The following RET variants were observed in gnomAD, a reference collection of about 807,000 sequenced individuals.
RET encodes proto-oncogene tyrosine-protein kinase receptor Ret.
RET carries 19 observed loss-of-function variants against 118.3 expected under a neutral mutation model. The ratio of observed to expected loss-of-function variants is 0.16; its 90% CI spans 0.11 to 0.24. The LOEUF (loss-of-function observed/expected upper bound fraction) is 0.24. RET is among the 10% of genes least tolerant of loss of function. The pLI is 1.00. For missense variants in RET, 1,219 were observed against 1,502.1 expected, an observed-to-expected ratio of 0.81 and a Z score of 3.12; for synonymous variants, 597 against 644.1, an observed-to-expected ratio of 0.93 and a Z score of 1.11.
chr10:43,077,128 C>T lies in RET; in HGVS notation c.-131C>T, dbSNP rs1837059498. The T allele has an allele frequency of 4.0e-6, 5 of 1,245,408 alleles. No individual in the cohort carries two copies. The highest frequency in any genetic ancestry group is 1.6e-5 in the African/African-American group (1 of 63,276). 77.1% of individuals were successfully genotyped at this position (1,245,408 alleles called of 1,614,324 possible). A position where few individuals can be genotyped will look rare whatever the true frequency, so the allele number is the denominator to read the frequency against. On this transcript the variant is annotated 5_prime_UTR_variant, in exon 1 of 20. Transcript: ENST00000355710. ...TGAGTGCCCCGGAACGTGCGTCGCG[C>T]CCCCAGTGTCCGTCGCGTCCGCCGC...
Position 43,129,021 on chromosome 10 carries a change from G to GATCTACA in RET, c.*752_*753insATCTACA. On this transcript the variant is annotated 3_prime_UTR_variant, in exon 20 of 20. Coordinates refer to ENST00000355710, the MANE Select transcript of RET (RefSeq NM_020975.6). Reference sequence around the variant, plus strand: ...CTCACAAGACACATTTGTCCCCCGGGCCCACCACATCATCCTCACGTGTTC... The same window carrying GATCTACA: ...CTCACAAGACACATTTGTCCCCCGGGATCTACACCCACCACATCATCCTCACGTGTTC... 4.2e-6 allele frequency: 1 copy of GATCTACA among 235,726 alleles called. No individual in the cohort carries two copies. The allele number at this position is 235,726 out of a possible 1,614,324, so 14.6% of individuals were successfully genotyped here. A position where few individuals can be genotyped will look rare whatever the true frequency, so the allele number is the denominator to read the frequency against.
rs1381188750 is a variant in RET, at chr10:43,112,712, C to G, written c.1649-141C>G. 1.1e-5 allele frequency: 8 copies of G among 720,388 alleles called. No individual in the cohort carries two copies. The African/African-American group carries it at 1.4e-4, about 13-fold the overall frequency. The allele number at this position is 720,388 out of a possible 1,614,324, so 44.6% of individuals were successfully genotyped here. On this transcript the variant is annotated intron_variant, in intron 8 of 19. Transcript: ENST00000355710. ...GCCATGGCTCCCCAGGATGCTTCCG[C>G]TGGCAAGGCTCTGTATATGGTGTTT... is the stretch of plus-strand genomic sequence containing the variant.
At chr10:43,122,754 C>T (rs996389198) in intron 16 of RET, among the ~76,000 whole-genome samples, 1 of 152,126 alleles carries the variant, frequency 6.6e-6, no homozygotes, top group East Asian at 1.9e-4. Flanking sequence ...ATTACAGGCA[C>T]GTGCTACTTC....
At chr10:43,092,163 G>GA (rs944842351) in intron 1 of RET, among the ~76,000 whole-genome samples, 2 of 152,048 alleles carry the variant, frequency 1.3e-5, no homozygotes, top group Admixed American at 6.6e-5. Context: ...CTTTAAAAAG[G>GA]AAAAAAAATT....
intron 1 of RET, among the ~76,000 whole-genome samples, chr10:43,099,709 A>G (rs969271366): frequency 6.6e-6 from 1 of 151,222 alleles, no homozygotes; most frequent in African/African-American, 2.4e-5. Context: ...CCTCCCCCAC[A>G]CCCCCGCCTG....
In RET at chr10:43,129,785, C is replaced by T. The variant is rs886985086; in HGVS notation, c.*1516C>T. On this transcript the variant is annotated 3_prime_UTR_variant, in exon 20 of 20. Transcript: ENST00000355710. ...GTGTAATAGAGCCTTGTGGTGTGTG[C>T]GCACACACCCAGAGGGAGAGTTTGA... 85 of 378,132 alleles carry T rather than the reference C, an allele frequency of 2.2e-4. No individual in the cohort carries two copies. The highest frequency in any genetic ancestry group is 6.8e-4 in the Admixed American group (15 of 22,146). 23.4% of individuals were successfully genotyped at this position (378,132 alleles called of 1,614,324 possible). A position where few individuals can be genotyped will look rare whatever the true frequency, so the allele number is the denominator to read the frequency against.
chr10:43,121,905 G>A (rs768231504), intron 15 of RET, 41 bp from the exon 16 acceptor site: 1 of 1,495,320 alleles, frequency 6.7e-7, no homozygotes, highest in Admixed American at 1.7e-5. Flanking sequence ...TTCCTAGAGA[G>A]TTAGAGTAAC....
chr10:43,124,939 C>T lies in RET; in HGVS notation c.2996C>T (p.Ala999Val), dbSNP rs748288493. 25 of 1,614,060 alleles carry T rather than the reference C, an allele frequency of 1.5e-5. No individual in the cohort carries two copies. Among genetic ancestry groups the T allele is most frequent in the African/African-American group, 6.7e-5 (5 of 74,912 alleles). ...GAGCCGGACAAAAGGCCGGTGTTTG[C>T]GGACATCAGCAAAGACCTGGAGAAG... ...KQEPDKRPVF[A>V]DISKDLEKMM... Residue 999 changes from alanine (A) to valine (V), a missense_variant, in exon 18 of 20, where the codon GCG (alanine) becomes GTG (valine). Around this residue, in one of 5 missense-constraint regions of RET, gnomAD observed 174 missense variants for 179.3 expected, o/e 0.97. Transcript: ENST00000355710.
intron 1 of RET, among the ~76,000 whole-genome samples, chr10:43,087,834 T>C (rs1837322047): frequency 6.6e-6 from 1 of 152,096 alleles, no homozygotes; most frequent in East Asian, 1.9e-4. Context: ...CTGCTTTCAT[T>C]TGGAAGTCTC....
rs1060504031 is a variant in RET at position 43,113,644 on chromosome 10, G to C, written c.1848G>C (p.Glu616Asp). The C allele has an allele frequency of 6.2e-7, 1 of 1,613,366 alleles. No individual in the cohort carries two copies. The highest frequency in any genetic ancestry group is 8.5e-7 in the Non-Finnish European group (1 of 1,179,898). ...CCTGCAACTGCTTCCCTGAGGAGGA[G>C]AAGTGCTTCTGCGAGCCCGAAGACA... is the stretch of plus-strand genomic sequence containing the variant. Reference protein sequence around the residue: ...YGTCNCFPEEEKCFCEPEDIQ... With the variant: ...YGTCNCFPEEDKCFCEPEDIQ... The change falls in exon 10 of 20, where the codon GAG (glutamate) becomes GAC (aspartate). Residue 616 changes from glutamate to aspartate, a missense_variant. By Grantham distance (45) the Glu-to-Asp change is conservative. Coordinates refer to ENST00000355710, the MANE Select transcript of RET (RefSeq NM_020975.6).
rs2132857441 is a variant in RET, at chr10:43,114,817, A to G, written c.2136+81A>G. On this transcript the variant is annotated intron_variant, in intron 11 of 19. Transcript: ENST00000355710. This position sits in a 1 kb window ranked among gnomAD's most constrained non-coding sequence, Gnocchi z 4.6. ...GGAGGGAGGCCAGCTGGGGAGACAG[A>G]GGCCATCCTGTGAGGGGCTGCCAAC... 1 of 1,463,368 alleles carries G rather than the reference A, an allele frequency of 6.8e-7. No individual in the cohort carries two copies. Among genetic ancestry groups the G allele is most frequent in the East Asian group, 2.5e-5 (1 of 40,542 alleles). The allele number at this position is 1,463,368 out of a possible 1,614,324, so 90.6% of individuals were successfully genotyped here.
intron 4 of RET, among the ~76,000 whole-genome samples, chr10:43,105,460 C>A (rs1486757879): frequency 6.6e-6 from 1 of 152,086 alleles, no homozygotes; most frequent in Non-Finnish European, 1.5e-5. Flanking sequence ...CCGCTGCAGG[C>A]GGGCGCGGCG....
chr10:43,103,318 C>T (rs1322655032), intron 3 of RET, among the ~76,000 whole-genome samples: 1 of 152,050 alleles, frequency 6.6e-6, no homozygotes, highest in African/African-American at 2.4e-5. Flanking sequence ...TGGGAAGGTT[C>T]AGGGGCGAAG....
chr10:43,107,811 T>C (rs1031574510), intron 5 of RET, among the ~76,000 whole-genome samples: 4 of 151,992 alleles, frequency 2.6e-5, no homozygotes, highest in Non-Finnish European at 5.9e-5. Flanking sequence ...ACACAGAAGG[T>C]ATACATTGGT....
chr10:43,089,139 GC>G (rs1427252629), intron 1 of RET, among the ~76,000 whole-genome samples: 1 of 152,226 alleles, frequency 6.6e-6, no homozygotes, highest in African/African-American at 2.4e-5. Context: ...CCAGTGCTGG[GC>G]CCTTTAAACA....
intron 4 of RET, among the ~76,000 whole-genome samples, chr10:43,105,447 G>A (rs1279124364): frequency 6.6e-6 from 1 of 152,112 alleles, no homozygotes. Flanking sequence ...GGGCATACTT[G>A]TGCCGCTGCA....
intron 2 of RET, among the ~76,000 whole-genome samples, chr10:43,101,915 T>A (rs1837649475): frequency 6.6e-6 from 1 of 152,234 alleles, no homozygotes; most frequent in Admixed American, 6.5e-5. Context: ...GAAATGGCTA[T>A]GGCGCTTCGG....
chr10:43,078,115 T>C (rs12765495), intron 1 of RET, among the ~76,000 whole-genome samples: 67 of 152,270 alleles, frequency 4.4e-4, no homozygotes, highest in Middle Eastern at 3.4e-3. Context: ...GATCCCAGCA[T>C]TAGGTGTGGC....
At chr10:43,089,863 A>G (rs1372136933) in intron 1 of RET, among the ~76,000 whole-genome samples, 2 of 152,260 alleles carry the variant, frequency 1.3e-5, no homozygotes, top group Admixed American at 6.5e-5. Context: ...ATCAGACAAG[A>G]ACCCTGAGAG....
Sources: allele counts gnomAD v4.1 joint callset (sites outside exome capture counted in the v4.1 genomes callset), GRCh38; gene constraint gnomAD v4.1.1; regional missense constraint gnomAD v4.1.1; non-coding constraint Gnocchi (gnomAD v3.1); transcripts MANE v1.5; gene names NCBI Gene and HGNC (gene_info 2026-07-23, HGNC 2026-07-21).